The following INPP4B variants were observed in gnomAD, a reference collection of about 807,000 sequenced individuals.
INPP4B encodes inositol polyphosphate 4-phosphatase type II.
A neutral mutation model predicts 122.5 loss-of-function variants in INPP4B; 55 were observed. That is an observed-to-expected ratio of 0.45 (90% confidence interval 0.36 to 0.56). The LOEUF (loss-of-function observed/expected upper bound fraction) is 0.56. Ranked by LOEUF, INPP4B falls within the 20% of genes least tolerant of loss-of-function variation. The probability of loss-of-function intolerance (pLI) is 0.00; values close to 1 mark genes in which losing one functional copy is unlikely to be tolerated. For missense variants in INPP4B, 1,000 were observed against 1,097.7 expected (o/e 0.91, Z 1.26); for synonymous variants, 403 against 388.7 (o/e 1.04, Z -0.43).
At chr4:142,321,801 T>C (rs1770162173) in intron 7 of INPP4B, among the ~76,000 whole-genome samples, 1 of 151,786 alleles carries the variant, frequency 6.6e-6, no homozygotes, top group African/African-American at 2.4e-5. Context: ...TCTATGTGCC[T>C]ATTTTTATAC....
At chr4:142,162,321 A>G (rs1820534937) in intron 16 of INPP4B, among the ~76,000 whole-genome samples, 1 of 151,778 alleles carries the variant, frequency 6.6e-6, no homozygotes, top group Non-Finnish European at 1.5e-5. Flanking sequence ...AAAGATATAA[A>G]AAAACTGATG....
intron 23 of INPP4B, among the ~76,000 whole-genome samples, chr4:142,098,800 G>A (rs180846941): frequency 1.5e-4 from 23 of 152,190 alleles, no homozygotes; most frequent in African/African-American, 5.3e-4. Context: ...AAGAGTTTAA[G>A]GAAGAGAGAT....
chr4:142,798,351 A>G (rs1243606234), intron 1 of INPP4B, among the ~76,000 whole-genome samples: 1 of 151,866 alleles, frequency 6.6e-6, no homozygotes, highest in Non-Finnish European at 1.5e-5. Flanking sequence ...TGAAGAAGGA[A>G]AATAATCTTA....
chr4:142,419,376 C>T (rs753047641), intron 5 of INPP4B, among the ~76,000 whole-genome samples: 2 of 152,078 alleles, frequency 1.3e-5, no homozygotes, highest in African/African-American at 4.8e-5. Context: ...GTAATTTGCA[C>T]TGGGATAAAA....
intron 2 of INPP4B, among the ~76,000 whole-genome samples, chr4:142,651,217 A>G (rs1379778054): frequency 6.6e-6 from 1 of 152,210 alleles, no homozygotes; most frequent in East Asian, 1.9e-4. Context: ...ACACAGCTAA[A>G]GCCATGTTTG....
At position 142,086,459 on chromosome 4, in the gene INPP4B, T is replaced by C. The variant is rs575393269; in HGVS notation, c.2375-203A>G. Among the ~76,000 whole-genome samples the C allele has an allele frequency of 3.3e-4, 50 of 152,192 alleles. 1 individual carries two copies. The highest frequency in any genetic ancestry group is 2.6e-3 in the Admixed American group (40 of 15,280). On this transcript the variant is annotated intron_variant, in intron 23 of 25. Transcript: ENST00000262992. ...GCCTCAATTTCCCAGACTCAAGTGA[T>C]CCTCCCACCTCAGTGCCCAAAGTGG... is the stretch of plus-strand genomic sequence containing the variant.
intron 18 of INPP4B, among the ~76,000 whole-genome samples, chr4:142,128,615 C>T (rs3775651): frequency 0.13 from 19,065 of 152,100 alleles, 1,376 homozygotes; most frequent in East Asian, 0.23. Context: ...AATCTTTCCT[C>T]GGGAAAACAT....
intron 2 of INPP4B, among the ~76,000 whole-genome samples, chr4:142,639,118 G>A (rs531614732): frequency 6.6e-6 from 1 of 152,126 alleles, no homozygotes; most frequent in Admixed American, 6.5e-5. Flanking sequence ...TGTATACGTG[G>A]GATCATGCCA....
intron 9 of INPP4B, among the ~76,000 whole-genome samples, chr4:142,298,493 T>C (rs1026561105): frequency 6.6e-6 from 1 of 151,822 alleles, no homozygotes; most frequent in African/African-American, 2.4e-5. Context: ...AAGACAAGCC[T>C]GGCCAAGATG....
intron 2 of INPP4B, among the ~76,000 whole-genome samples, chr4:142,475,550 G>C (rs1230702934): frequency 6.6e-6 from 1 of 151,954 alleles, no homozygotes; most frequent in Non-Finnish European, 1.5e-5. Flanking sequence ...GAAGATTATC[G>C]ACATTCAAAA....
chr4:142,247,481 G>C (rs548201974), intron 11 of INPP4B, among the ~76,000 whole-genome samples: 1 of 152,214 alleles, frequency 6.6e-6, no homozygotes, highest in African/African-American at 2.4e-5. Context: ...ACTTGTTATT[G>C]ATCTATTCAG....
intron 2 of INPP4B, among the ~76,000 whole-genome samples, chr4:142,486,716 T>A (rs1821243268): frequency 6.6e-6 from 1 of 152,196 alleles, no homozygotes; most frequent in Admixed American, 6.6e-5. Context: ...TCTATTTTGT[T>A]TTCTTTTTTA....
chr4:142,554,997 T>G (rs867802551), intron 2 of INPP4B, among the ~76,000 whole-genome samples: 1 of 152,154 alleles, frequency 6.6e-6, no homozygotes, highest in South Asian at 2.1e-4. Flanking sequence ...GCTGGGGTCC[T>G]AAGGGCCTGG....
intron 2 of INPP4B, among the ~76,000 whole-genome samples, chr4:142,562,193 C>T (rs1408827137): frequency 1.3e-5 from 2 of 152,142 alleles, no homozygotes; most frequent in East Asian, 3.9e-4. Context: ...GAAAAGTTAC[C>T]AAGTGTTTTC....
Position 142,451,246 on chromosome 4 carries a change from G to GTTTTT in INPP4B, c.-127+11412_-127+11416dup, listed in dbSNP as rs758479962. 9.5e-4 allele frequency among the ~76,000 whole-genome samples: 93 copies of GTTTTT among 97,710 alleles called. 1 individual carries two copies. The highest frequency in any genetic ancestry group is 1.1e-3 in the Non-Finnish European group (54 of 48,890). The allele number at this position is 97,710 out of a possible 152,430, so 64.1% of individuals were successfully genotyped here. ...ATAGTTTCCCTTTTTTGTTGCTGTT[G>GTTTTT]TTTTTTTTTTTTTTTTTTTTTTGAG... is the stretch of plus-strand genomic sequence containing the variant. On this transcript the variant is annotated intron_variant, in intron 3 of 25. Transcript: ENST00000262992.
intron 1 of INPP4B, among the ~76,000 whole-genome samples, chr4:142,733,094 T>C (rs968309687): frequency 3.3e-5 from 5 of 152,142 alleles, no homozygotes; most frequent in Admixed American, 3.3e-4. Flanking sequence ...CTTTACTAAA[T>C]GGTGCTGAAT....
intron 1 of INPP4B, among the ~76,000 whole-genome samples, chr4:142,781,701 G>A (rs568171780): frequency 3.9e-5 from 6 of 152,228 alleles, no homozygotes; most frequent in African/African-American, 1.4e-4. Context: ...ACACCCAGTG[G>A]AAAATAAATC....
chr4:142,471,870 TACAC>T (rs145475720), intron 2 of INPP4B, among the ~76,000 whole-genome samples: 1 of 150,546 alleles, frequency 6.6e-6, no homozygotes, highest in Non-Finnish European at 1.5e-5. Context: ...CTCCATAGTA[TACAC>T]ACACACACAC....
At chr4:142,541,778 C>T (rs772768761) in intron 2 of INPP4B, among the ~76,000 whole-genome samples, 14 of 152,128 alleles carry the variant, frequency 9.2e-5, no homozygotes, top group Non-Finnish European at 1.8e-4. Flanking sequence ...TTGGCTTCCC[C>T]AGCACCCAGT....
Sources: allele counts gnomAD v4.1 joint callset (sites outside exome capture counted in the v4.1 genomes callset), GRCh38; gene constraint gnomAD v4.1.1; transcripts MANE v1.5; gene names NCBI Gene and HGNC (gene_info 2026-07-23, HGNC 2026-07-21).